The following BMPR2 variants were observed in gnomAD, a reference collection of about 807,000 sequenced individuals.
BMPR2 encodes bone morphogenetic protein receptor type 2, also known as bone morphogenetic protein receptor type-2.
A neutral mutation model predicts 100.8 loss-of-function variants in BMPR2; 29 were observed. The ratio of observed to expected loss-of-function variants is 0.29; its 90% CI spans 0.21 to 0.39. The LOEUF (loss-of-function observed/expected upper bound fraction) is 0.39. Ranked by LOEUF, BMPR2 falls within the 10% of genes least tolerant of loss-of-function variation. The pLI is 1.00. For synonymous variants in BMPR2, 382 were observed against 442.3 expected (o/e 0.86, Z 1.71); for missense variants, 1,011 against 1,274.5 (o/e 0.79, Z 3.15).
At chr2:202,502,883 C>G (rs1400722421) in intron 3 of BMPR2, among the ~76,000 whole-genome samples, 22 of 152,256 alleles carry the variant, frequency 1.4e-4, no homozygotes, top group Admixed American at 1.4e-3. Flanking sequence ...TCTCCCCTTT[C>G]TAGGTCCTGT....
chr2:202,558,100 C>T (rs1688612369), intron 12 of BMPR2, among the ~76,000 whole-genome samples: 2 of 152,074 alleles, frequency 1.3e-5, no homozygotes, highest in Admixed American at 6.6e-5. Flanking sequence ...GGGTGGGTCA[C>T]TTGAGGCCAG....
chr2:202,394,340 AAAC>A (rs1303777499), intron 1 of BMPR2, among the ~76,000 whole-genome samples: 1 of 151,590 alleles, frequency 6.6e-6, no homozygotes, highest in African/African-American at 2.4e-5. Flanking sequence ...AACAAGAGTG[AAAC>A]AACGTCTCAA....
At chr2:202,467,455 G>A in intron 2 of BMPR2, 64 bp from the exon 3 acceptor site, 1 of 1,394,426 alleles carries the variant, frequency 7.2e-7, no homozygotes, top group Admixed American at 1.7e-5. Context: ...TGCTTAGTTT[G>A]TTGTTTTTCT....
At chr2:202,401,230 C>G (rs191220866) in intron 1 of BMPR2, among the ~76,000 whole-genome samples, 1 of 152,228 alleles carries the variant, frequency 6.6e-6, no homozygotes, top group Admixed American at 6.5e-5. Context: ...CATCTCATCT[C>G]CCCTTTTATA....
intron 1 of BMPR2, among the ~76,000 whole-genome samples, chr2:202,404,005 C>CAA (rs536716050): frequency 2.8e-4 from 26 of 93,690 alleles, no homozygotes; most frequent in East Asian, 1.1e-3. Flanking sequence ...AACTCCGTCT[C>CAA]AAAAAAAAAA....
intron 12 of BMPR2, among the ~76,000 whole-genome samples, chr2:202,557,387 C>A (rs138912351): frequency 6.6e-6 from 1 of 151,864 alleles, no homozygotes; most frequent in Non-Finnish European, 1.5e-5. Flanking sequence ...TGCTTGAACC[C>A]AGGAGGCGGA....
chr2:202,446,398 C>CAA (rs1330632168), intron 1 of BMPR2, among the ~76,000 whole-genome samples: 1 of 139,236 alleles, frequency 7.2e-6, no homozygotes, highest in African/African-American at 2.8e-5. Flanking sequence ...AACTCCGTCT[C>CAA]AAAAAAAAAA....
intron 1 of BMPR2, among the ~76,000 whole-genome samples, chr2:202,412,656 G>A (rs1241964362): frequency 6.6e-6 from 1 of 152,102 alleles, no homozygotes; most frequent in Non-Finnish European, 1.5e-5. Flanking sequence ...TTTATATTTG[G>A]CACCTATATT....
At chr2:202,414,466 A>G (rs750477993) in intron 1 of BMPR2, among the ~76,000 whole-genome samples, 8 of 152,244 alleles carry the variant, frequency 5.3e-5, no homozygotes, top group Non-Finnish European at 1.0e-4. Flanking sequence ...TTAAATCAAA[A>G]GCTAAAAATG....
At chr2:202,451,872 C>G (rs184768320) in intron 1 of BMPR2, among the ~76,000 whole-genome samples, 1 of 152,086 alleles carries the variant, frequency 6.6e-6, no homozygotes, top group Non-Finnish European at 1.5e-5. Context: ...GTCTCAGCCT[C>G]CTGAGTAGCT....
intron 1 of BMPR2, among the ~76,000 whole-genome samples, chr2:202,393,535 A>G (rs1316126016): frequency 6.6e-6 from 1 of 152,092 alleles, no homozygotes; most frequent in Non-Finnish European, 1.5e-5. Context: ...GGCACAAGCG[A>G]TCCTCCTGAC....
chr2:202,466,660 A>G (rs1692328943), intron 2 of BMPR2, among the ~76,000 whole-genome samples: 1 of 150,620 alleles, frequency 6.6e-6, no homozygotes, highest in African/African-American at 2.4e-5. Flanking sequence ...CGCTCAGGAT[A>G]GAGTGCAGTG....
intron 1 of BMPR2, among the ~76,000 whole-genome samples, chr2:202,420,864 A>C (rs1261234972): frequency 1.3e-5 from 2 of 151,986 alleles, no homozygotes; most frequent in Non-Finnish European, 2.9e-5. Flanking sequence ...GGAGTTTTTA[A>C]GGCAATATAA....
At chr2:202,450,199 A>G (rs1191485885) in intron 1 of BMPR2, among the ~76,000 whole-genome samples, 3 of 152,176 alleles carry the variant, frequency 2.0e-5, no homozygotes, top group Admixed American at 6.5e-5. Flanking sequence ...GGGATCCCCA[A>G]CACAACATCA....
chr2:202,400,104 A>T (rs1179995245), intron 1 of BMPR2, among the ~76,000 whole-genome samples: 1 of 151,790 alleles, frequency 6.6e-6, no homozygotes, highest in Non-Finnish European at 1.5e-5. Context: ...ACGGAGCGAG[A>T]CCCTGTCTTA....
At chr2:202,557,624 GC>G (rs1688604008) in intron 12 of BMPR2, among the ~76,000 whole-genome samples, 1 of 152,072 alleles carries the variant, frequency 6.6e-6, no homozygotes, top group South Asian at 2.1e-4. Context: ...CTGAGATTGC[GC>G]CATTGTACTC....
intron 9 of BMPR2, among the ~76,000 whole-genome samples, chr2:202,538,108 C>T (rs1439353404): frequency 3.3e-5 from 5 of 151,088 alleles, no homozygotes; most frequent in South Asian, 2.1e-4. Flanking sequence ...GGTGACAGAA[C>T]GAGACTCCAT....
At position 202,468,045 on chromosome 2, in the gene BMPR2, G is replaced by GA. The variant is rs1231148438; in HGVS notation, c.418+366dup. On this transcript the variant is annotated intron_variant, in intron 3 of 12. Coordinates refer to ENST00000374580, the MANE Select transcript of BMPR2 (RefSeq NM_001204.7). ...CTGGGCAACAAGAGTGAACCTAAAA[G>GA]AAAAAAAAAATTCAAAGTTGTTGGG... 1.0e-4 allele frequency among the ~76,000 whole-genome samples: 15 copies of GA among 149,230 alleles called. No homozygotes were observed. In the South Asian group the frequency reaches 2.1e-3, roughly 21 times the overall value.
rs77466720 is a variant in BMPR2, at chr2:202,380,197, A to G, written c.76+2647A>G. On this transcript the variant is annotated intron_variant, in intron 1 of 12. Coordinates refer to ENST00000374580, the MANE Select transcript of BMPR2 (RefSeq NM_001204.7). ...TTAGAACATTTTCTATGCCCCCCCC[A>G]AAAAAAAAAACAACTTATGAAAAAT... 1.5e-5 allele frequency among the ~76,000 whole-genome samples: 2 copies of G among 129,842 alleles called. 1 individual carries two copies. The highest frequency in any genetic ancestry group is 5.5e-5 in the African/African-American group (2 of 36,146). 85.2% of individuals were successfully genotyped at this position (129,842 alleles called of 152,430 possible).
Sources: gnomAD v4.1 joint callset for allele counts (sites outside exome capture counted in the v4.1 genomes callset) on GRCh38, gnomAD v4.1.1 for gene constraint, MANE v1.5 for transcripts, NCBI Gene and HGNC (gene_info 2026-07-23, HGNC 2026-07-21) for gene names.